ADGRG5: variants seen among roughly 807,000 people sequenced by gnomAD.
ADGRG5 encodes G protein-coupled receptor 114.
Under a neutral mutation model 53.2 loss-of-function variants are expected in ADGRG5, and 37 were observed. The ratio of observed to expected loss-of-function variants is 0.70; its 90% CI spans 0.53 to 0.91. The LOEUF (loss-of-function observed/expected upper bound fraction) is 0.91. Among genes scored for constraint, ADGRG5 ranks in the 40% least tolerant of loss-of-function variants. ADGRG5 has a pLI of 0.00. For missense variants in ADGRG5, 614 were observed against 675.8 expected (o/e 0.91, Z 1.01); for synonymous variants, 277 against 290.4 (o/e 0.95, Z 0.47).
the ADGRG5 span, among the ~76,000 whole-genome samples, chr16:57,535,250 C>A: frequency 2.6e-5 from 4 of 152,222 alleles, no homozygotes; most frequent in Non-Finnish European, 5.9e-5. Context: ...AGCTGGCTGG[C>A]GGGAAAGGAA....
chr16:57,571,967 G>A (rs746101093), intron 10 of ADGRG5, among the ~76,000 whole-genome samples: 3 of 151,874 alleles, frequency 2.0e-5, no homozygotes, highest in Non-Finnish European at 2.9e-5. Flanking sequence ...ATAATATGAT[G>A]AGGACAAAGG....
At chr16:57,566,293 T>G (rs1483772389) in intron 6 of ADGRG5, 3 of 282,168 alleles carry the variant, frequency 1.1e-5, no homozygotes, top group African/African-American at 6.5e-5. Context: ...AGGCCAGAGC[T>G]GGACACTCAA....
At position 57,574,624 on chromosome 16, in the gene ADGRG5, C is replaced by T. The variant is rs536465098; in HGVS notation, c.1209-191C>T. On this transcript the variant is annotated intron_variant, in intron 10 of 11. Transcript: ENST00000349457. This position sits in a 1 kb window ranked among gnomAD's most constrained non-coding sequence, Gnocchi z 4.4. ...GCATGAGGGAGCTTCAGATTGTTGA[C>T]CAAGGAGGCAGATGTGTCCTCTGAT... is the stretch of plus-strand genomic sequence containing the variant. Among the ~76,000 whole-genome samples the T allele has an allele frequency of 2.0e-5, 3 of 152,334 alleles. No homozygotes were observed. Among genetic ancestry groups the T allele is most frequent in the East Asian group, 3.9e-4 (2 of 5,186 alleles).
chr16:57,539,468 T>TC (rs2032458518), upstream of ADGRG5, among the ~76,000 whole-genome samples: 1 of 151,306 alleles, frequency 6.6e-6, no homozygotes, highest in South Asian at 2.1e-4. Flanking sequence ...TTTTTTTTTT[T>TC]TTGAGACAGG....
At chr16:57,539,812 G>A (rs1244218380), upstream of ADGRG5, among the ~76,000 whole-genome samples, 1 of 131,066 alleles carries the variant, frequency 7.6e-6, no homozygotes, top group African/African-American at 3.0e-5. Context: ...ATGTATGTGT[G>A]TGTGCGTGTA....
Position 57,573,508 on chromosome 16 carries a change from C to T in ADGRG5, c.1209-1307C>T, listed in dbSNP as rs146305950. ...GAGATTGATTGAAAATGAAAGTACA[C>T]GCTACAGTGTGGGAGTGGGCCAGAG... On this transcript the variant is annotated intron_variant, in intron 10 of 11. Transcript: ENST00000349457. Among the ~76,000 whole-genome samples, 111 of 151,256 alleles carry T rather than the reference C, an allele frequency of 7.3e-4. 1 individual carries two copies. The highest frequency in any genetic ancestry group is 2.6e-3 in the African/African-American group (105 of 41,132).
chr16:57,544,031 T>G (rs1386916493), intron 1 of ADGRG5, among the ~76,000 whole-genome samples: 2 of 152,170 alleles, frequency 1.3e-5, no homozygotes, highest in African/African-American at 2.4e-5. Context: ...TTCCAAAGGC[T>G]CTGTCCTGTG....
At chr16:57,568,459 A>G (rs1596794541) in intron 9 of ADGRG5, among the ~76,000 whole-genome samples, 1 of 149,568 alleles carries the variant, frequency 6.7e-6, no homozygotes, top group South Asian at 2.1e-4. Flanking sequence ...CACCATCATC[A>G]TCTCATCCAC....
intron 9 of ADGRG5, 84 bp downstream of exon 9, chr16:57,568,208 C>T: frequency 3.5e-6 from 5 of 1,415,474 alleles, no homozygotes; most frequent in Non-Finnish European, 3.9e-6. Context: ...TTCCCCTCCT[C>T]CTCATCGTCA....
intron 1 of ADGRG5, among the ~76,000 whole-genome samples, chr16:57,548,771 T>C (rs149897049): frequency 2.8e-4 from 42 of 151,864 alleles, no homozygotes; most frequent in African/African-American, 7.7e-4. Flanking sequence ...TCCATCCAAG[T>C]TGTGTGTGTC....
chr16:57,544,654 G>A (rs921964927), intron 1 of ADGRG5, among the ~76,000 whole-genome samples: 1 of 152,154 alleles, frequency 6.6e-6, no homozygotes, highest in Admixed American at 6.5e-5. Context: ...ATAGTGAAGG[G>A]GTGGACAAAT....
At chr16:57,562,728 G>A (rs1859260) in intron 3 of ADGRG5, 185,549 of 541,650 alleles carry the variant, frequency 0.34, 34,240 homozygotes, top group East Asian at 0.53. Flanking sequence ...GGGGGTCTAA[G>A]ATTCTGGCTG....
the ADGRG5 span, among the ~76,000 whole-genome samples, chr16:57,534,873 T>G: frequency 6.6e-6 from 1 of 152,226 alleles, no homozygotes. Context: ...GGAAGCCTAA[T>G]TGACCCACTG....
At chr16:57,549,406 C>T (rs78784208) in intron 1 of ADGRG5, among the ~76,000 whole-genome samples, 2,185 of 152,304 alleles carry the variant, frequency 0.014, 43 homozygotes, top group African/African-American at 0.049. Flanking sequence ...CCATCAAACA[C>T]ATATTTTGAG....
intron 1 of ADGRG5, among the ~76,000 whole-genome samples, chr16:57,560,085 C>T (rs2032967049): frequency 6.6e-6 from 1 of 152,172 alleles, no homozygotes; most frequent in African/African-American, 2.4e-5. Context: ...TCCTTTTCCT[C>T]TTCCTTATTT....
the ADGRG5 span, among the ~76,000 whole-genome samples, chr16:57,535,002 C>T: frequency 2.0e-5 from 3 of 152,220 alleles, no homozygotes; most frequent in African/African-American, 7.2e-5. Flanking sequence ...AGCCCAGTGC[C>T]CCAACCCCTT....
rs1368721402 is a variant in ADGRG5 at position 57,576,856 on chromosome 16, C to T, written c.*1318C>T. On this transcript the variant is annotated 3_prime_UTR_variant, in exon 12 of 12. Transcript: ENST00000349457. ...AGGGCCCTGCCCCAGGCCACTGGGC[C>T]GTTTTGATGACCTCGAAGGTCACAG... The T allele has an allele frequency of 1.3e-5, 2 of 152,160 alleles. No homozygotes were observed. The highest frequency in any genetic ancestry group is 2.4e-5 in the African/African-American group (1 of 41,428). The allele number at this position is 152,160 out of a possible 1,614,324, so 9.4% of individuals were successfully genotyped here.
intron 1 of ADGRG5, among the ~76,000 whole-genome samples, chr16:57,552,974 C>G (rs2032789266): frequency 6.6e-6 from 1 of 152,120 alleles, no homozygotes; most frequent in South Asian, 2.1e-4. Flanking sequence ...GACAGGGGAA[C>G]AGCTAGTTGG....
At chr16:57,571,950 T>C (rs1320689817) in intron 10 of ADGRG5, among the ~76,000 whole-genome samples, 1 of 152,012 alleles carries the variant, frequency 6.6e-6, no homozygotes, top group Non-Finnish European at 1.5e-5. Flanking sequence ...GCCTATTTTC[T>C]TATATAATAA....
Sources: gnomAD v4.1 joint callset for allele counts (sites outside exome capture counted in the v4.1 genomes callset) on GRCh38, gnomAD v4.1.1 for gene constraint, Gnocchi (gnomAD v3.1) non-coding constraint, MANE v1.5 for transcripts, NCBI Gene and HGNC (gene_info 2026-07-23, HGNC 2026-07-21) for gene names.